GPR158: variants seen among roughly 807,000 people sequenced by gnomAD.
The protein encoded by GPR158 is G protein-coupled receptor 158.
Under a neutral mutation model 78.2 loss-of-function variants are expected in GPR158, and 30 were observed. The ratio of observed to expected loss-of-function variants is 0.38; its 90% CI spans 0.29 to 0.52. GPR158 has a LOEUF of 0.52. Among genes scored for constraint, GPR158 ranks in the 20% least tolerant of loss-of-function variants. GPR158 has a pLI of 0.83. For missense variants in GPR158, 1,463 were observed against 1,523.5 expected (o/e 0.96, Z 0.66); for synonymous variants, 581 against 591.1 (o/e 0.98, Z 0.25).
chr10:25,562,363 A>C (rs1057131342), intron 6 of GPR158, among the ~76,000 whole-genome samples: 1 of 151,932 alleles, frequency 6.6e-6, no homozygotes, highest in Non-Finnish European at 1.5e-5. Context: ...TTTCTCTTCG[A>C]TTTTTAGTTC....
chr10:25,184,019 A>G (rs1299951361), intron 1 of GPR158, among the ~76,000 whole-genome samples: 1 of 152,212 alleles, frequency 6.6e-6, no homozygotes, highest in Non-Finnish European at 1.5e-5. Context: ...ATAACAAGGC[A>G]TCTTACAATT....
chr10:25,582,278 T>C (rs1464339891), intron 7 of GPR158, among the ~76,000 whole-genome samples: 1 of 152,214 alleles, frequency 6.6e-6, no homozygotes, highest in Non-Finnish European at 1.5e-5. Context: ...CATCTGAGTC[T>C]GCCTTTGTGA....
chr10:25,585,555 C>T (rs374792047), intron 7 of GPR158, among the ~76,000 whole-genome samples: 56 of 152,334 alleles, frequency 3.7e-4, no homozygotes, highest in African/African-American at 1.3e-3. Flanking sequence ...TTTCAGGAGG[C>T]TTTGTGATAG....
At chr10:25,318,138 G>A (rs1367748165) in intron 2 of GPR158, among the ~76,000 whole-genome samples, 1 of 152,196 alleles carries the variant, frequency 6.6e-6, no homozygotes, top group African/African-American at 2.4e-5. Flanking sequence ...GTGAAATATA[G>A]TTTATTTAAT....
intron 2 of GPR158, among the ~76,000 whole-genome samples, chr10:25,388,147 G>C (rs1834247244): frequency 6.6e-6 from 1 of 152,190 alleles, no homozygotes; most frequent in South Asian, 2.1e-4. Flanking sequence ...CTGGTGGCTT[G>C]TTAAGGTTCA....
intron 4 of GPR158, among the ~76,000 whole-genome samples, chr10:25,436,957 C>A (rs1485619860): frequency 2.0e-5 from 3 of 152,034 alleles, no homozygotes; most frequent in African/African-American, 7.2e-5. Flanking sequence ...TGAGCTACCC[C>A]TAAAGGAGGA....
At chr10:25,415,099 A>C (rs931811110) in intron 4 of GPR158, among the ~76,000 whole-genome samples, 1 of 152,150 alleles carries the variant, frequency 6.6e-6, no homozygotes, top group Non-Finnish European at 1.5e-5. Context: ...CATTGACATA[A>C]ATCTTCATGA....
At chr10:25,362,553 CA>C (rs1855656283) in intron 2 of GPR158, among the ~76,000 whole-genome samples, 1 of 151,836 alleles carries the variant, frequency 6.6e-6, no homozygotes, top group African/African-American at 2.4e-5. Flanking sequence ...TGTACATCTT[CA>C]TAATGTTAAT....
intron 4 of GPR158, among the ~76,000 whole-genome samples, chr10:25,438,606 G>A (rs1773656): frequency 0.69 from 104,675 of 152,102 alleles, 36,935 homozygotes; most frequent in Non-Finnish European, 0.78. Context: ...TGGAAAAATT[G>A]ATGGCTAAAG....
intron 5 of GPR158, among the ~76,000 whole-genome samples, chr10:25,474,378 A>G (rs1015149389): frequency 1.3e-5 from 2 of 152,026 alleles, no homozygotes; most frequent in African/African-American, 4.8e-5. Context: ...CTTCACCTAC[A>G]TTATTTTGGT....
intron 8 of GPR158, among the ~76,000 whole-genome samples, chr10:25,591,865 G>A (rs1837345141): frequency 1.3e-5 from 2 of 152,038 alleles, no homozygotes; most frequent in South Asian, 4.1e-4. Flanking sequence ...GAATGGAATT[G>A]TAGTTTAATA....
Position 25,175,175 on chromosome 10 carries a change from C to T in GPR158, c.-246C>T. The T allele has an allele frequency of 2.2e-6, 1 of 451,310 alleles. No individual in the cohort carries two copies. Among genetic ancestry groups the T allele is most frequent in the Non-Finnish European group, 3.9e-6 (1 of 254,914 alleles). The allele number at this position is 451,310 out of a possible 1,614,324, so 28.0% of individuals were successfully genotyped here. A position where few individuals can be genotyped will look rare whatever the true frequency, so the allele number is the denominator to read the frequency against. Reference sequence around the variant, plus strand: ...GGCTCCAGGCTGCGAGGTGCGTAATCCCCAGCCGGCCCCTCGCGCAGCGGG... The same window carrying T: ...GGCTCCAGGCTGCGAGGTGCGTAATTCCCAGCCGGCCCCTCGCGCAGCGGG... On this transcript the variant is annotated 5_prime_UTR_variant, in exon 1 of 11. Coordinates refer to ENST00000376351, the MANE Select transcript of GPR158 (RefSeq NM_020752.3). The surrounding 1 kb of genome is among the most constrained non-coding windows in gnomAD (Gnocchi z 6.4).
intron 6 of GPR158, among the ~76,000 whole-genome samples, chr10:25,552,785 G>T (rs1163339571): frequency 2.0e-5 from 3 of 152,186 alleles, no homozygotes; most frequent in Non-Finnish European, 4.4e-5. Flanking sequence ...GTCTCCAAGT[G>T]TCTGGAACAC....
At chr10:25,442,135 C>CGT (rs1336255185) in intron 4 of GPR158, among the ~76,000 whole-genome samples, 3 of 152,180 alleles carry the variant, frequency 2.0e-5, no homozygotes, top group Admixed American at 2.0e-4. Context: ...CTTGATTAAA[C>CGT]TACTCTGGGT....
At chr10:25,534,432 T>C in intron 5 of GPR158, among the ~76,000 whole-genome samples, 1 of 152,012 alleles carries the variant, frequency 6.6e-6, no homozygotes. Flanking sequence ...TTGAGGTCAG[T>C]TCGAGACCAC....
At chr10:25,241,557 G>A (rs1384318937) in intron 2 of GPR158, among the ~76,000 whole-genome samples, 1 of 151,382 alleles carries the variant, frequency 6.6e-6, no homozygotes, top group Non-Finnish European at 1.5e-5. Context: ...AGTAGATGGG[G>A]TTACAGGTGC....
At chr10:25,395,821 T>G in intron 2 of GPR158, 90 bp from the exon 3 acceptor site, 1 of 567,802 alleles carries the variant, frequency 1.8e-6, no homozygotes, top group Non-Finnish European at 3.2e-6. Context: ...GTTAGTTTTC[T>G]GTTACCATTT....
intron 2 of GPR158, among the ~76,000 whole-genome samples, chr10:25,323,954 T>C (rs1183755664): frequency 6.6e-6 from 1 of 152,236 alleles, no homozygotes; most frequent in Non-Finnish European, 1.5e-5. Flanking sequence ...CTCCAACTTT[T>C]CTTCTTCAGC....
intron 4 of GPR158, among the ~76,000 whole-genome samples, chr10:25,438,890 T>C (rs1588864804): frequency 6.6e-6 from 1 of 152,178 alleles, no homozygotes; most frequent in Non-Finnish European, 1.5e-5. Flanking sequence ...AAAAATCAAA[T>C]GAGAAAAATA....
Sources: gnomAD v4.1 joint callset for allele counts (sites outside exome capture counted in the v4.1 genomes callset) on GRCh38, gnomAD v4.1.1 for gene constraint, Gnocchi (gnomAD v3.1) non-coding constraint, MANE v1.5 for transcripts, NCBI Gene and HGNC (gene_info 2026-07-23, HGNC 2026-07-21) for gene names.